DLGAP2: variants seen among roughly 807,000 people sequenced by gnomAD.
DLGAP2 encodes the protein disks large-associated protein 2.
A neutral mutation model predicts 100.3 loss-of-function variants in DLGAP2; 26 were observed. The ratio of observed to expected loss-of-function variants is 0.26; its 90% CI spans 0.19 to 0.36. DLGAP2 has a LOEUF of 0.36. Among genes scored for constraint, DLGAP2 ranks in the 10% least tolerant of loss-of-function variants. The pLI is 1.00. For missense variants in DLGAP2, 1,858 were observed against 1,453.2 expected, an observed-to-expected ratio of 1.28 and a Z score of -4.53; for synonymous variants, 886 against 630.1, an observed-to-expected ratio of 1.41 and a Z score of -6.08.
chr8:1,146,271 T>C (rs1420036727), intron 2 of DLGAP2, among the ~76,000 whole-genome samples: 1 of 152,224 alleles, frequency 6.6e-6, no homozygotes. Flanking sequence ...CCATCTGATA[T>C]CGCGTAGCCT....
At chr8:994,750 C>A (rs1462927274) in intron 2 of DLGAP2, among the ~76,000 whole-genome samples, 3 of 152,174 alleles carry the variant, frequency 2.0e-5, no homozygotes, top group African/African-American at 7.2e-5. Flanking sequence ...TGAATAGTTA[C>A]AGGTCAGACC....
chr8:1,580,881 A>T (rs898048561), intron 6 of DLGAP2, among the ~76,000 whole-genome samples: 2 of 152,216 alleles, frequency 1.3e-5, no homozygotes, highest in African/African-American at 4.8e-5. Flanking sequence ...GAAGTGAAGG[A>T]TACAGACAAA....
At chr8:1,521,172 A>ATC (rs202109087) in intron 4 of DLGAP2, among the ~76,000 whole-genome samples, 2 of 117,370 alleles carry the variant, frequency 1.7e-5, no homozygotes, top group East Asian at 2.4e-4. Flanking sequence ...GATATGGGGC[A>ATC]TCTGGTTTGC....
chr8:933,436 T>C (rs1340642364), intron 2 of DLGAP2, among the ~76,000 whole-genome samples: 16 of 130,040 alleles, frequency 1.2e-4, no homozygotes, highest in South Asian at 5.3e-4. Context: ...GACATCTGGC[T>C]GTGGGCACGA....
chr8:1,347,475 C>A (rs1801591866), intron 3 of DLGAP2, among the ~76,000 whole-genome samples: 1 of 152,066 alleles, frequency 6.6e-6, no homozygotes, highest in East Asian at 1.9e-4. Context: ...AGCTGCATTG[C>A]TCTCATGGGG....
At chr8:1,443,798 C>G (rs940021797) in intron 3 of DLGAP2, among the ~76,000 whole-genome samples, 1 of 152,068 alleles carries the variant, frequency 6.6e-6, no homozygotes, top group East Asian at 1.9e-4. Flanking sequence ...ACCCTTGACA[C>G]GTGGGGATTA....
chr8:1,219,381 G>C (rs984917064), intron 2 of DLGAP2, among the ~76,000 whole-genome samples: 2 of 152,110 alleles, frequency 1.3e-5, no homozygotes, highest in Non-Finnish European at 2.9e-5. Flanking sequence ...TGATCATGTA[G>C]TTTTTATTTT....
chr8:860,322 G>T (rs756657371), intron 1 of DLGAP2, among the ~76,000 whole-genome samples: 3 of 152,214 alleles, frequency 2.0e-5, no homozygotes, highest in Non-Finnish European at 4.4e-5. Flanking sequence ...GGCTGCCGCT[G>T]CCAGCTCTGC....
intron 4 of DLGAP2, among the ~76,000 whole-genome samples, chr8:1,523,838 C>T (rs1800698718): frequency 1.3e-5 from 2 of 152,158 alleles, no homozygotes; most frequent in Admixed American, 1.3e-4. Flanking sequence ...TAAAAGAAAT[C>T]CAGTGAATAA....
At chr8:1,590,845 AC>A (rs773416849) in intron 6 of DLGAP2, among the ~76,000 whole-genome samples, 155 of 151,908 alleles carry the variant, frequency 1.0e-3, no homozygotes, top group Non-Finnish European at 1.1e-3. Flanking sequence ...CCTGAGCCCC[AC>A]CCCTGGCAGA....
chr8:1,096,706 C>A (rs1321273969), intron 2 of DLGAP2, among the ~76,000 whole-genome samples: 1 of 143,214 alleles, frequency 7.0e-6, no homozygotes, highest in South Asian at 2.2e-4. Context: ...GAGAGGTCCC[C>A]TCCAGCGTGA....
In DLGAP2 at chr8:1,071,962, A is replaced by G. The variant is rs7819037; in HGVS notation, c.73+163996A>G. On this transcript the variant is annotated intron_variant, in intron 2 of 14. Coordinates refer to ENST00000637795, the MANE Select transcript of DLGAP2 (RefSeq NM_001346810.2). Reference sequence around the variant, plus strand: ...GTGGTTTGGGTGCCGTGCTGGCTGTACGTGGTTTCTCGTCAGTGTGCTGGA... The same window carrying G: ...GTGGTTTGGGTGCCGTGCTGGCTGTGCGTGGTTTCTCGTCAGTGTGCTGGA... Among the ~76,000 whole-genome samples, 949 of 152,248 alleles carry G rather than the reference A, an allele frequency of 6.2e-3. 17 individuals are homozygous for G. Among genetic ancestry groups the G allele is most frequent in the African/African-American group, 0.021 (862 of 41,536 alleles).
At chr8:1,459,326 C>G (rs1270642013) in intron 3 of DLGAP2, among the ~76,000 whole-genome samples, 4 of 152,106 alleles carry the variant, frequency 2.6e-5, no homozygotes, top group Admixed American at 2.6e-4. Flanking sequence ...GGAGTGACAG[C>G]CAGCTGGTTT....
At chr8:865,716 G>C (rs946594679) in intron 1 of DLGAP2, among the ~76,000 whole-genome samples, 5 of 152,178 alleles carry the variant, frequency 3.3e-5, no homozygotes, top group African/African-American at 1.2e-4. Context: ...CTTTTTATAA[G>C]GCCGCTGTGA....
intron 2 of DLGAP2, among the ~76,000 whole-genome samples, chr8:1,192,744 CAT>C (rs1163519367): frequency 4.6e-5 from 7 of 150,860 alleles, no homozygotes; most frequent in East Asian, 3.9e-4. Context: ...CATATGGAAA[CAT>C]GTGCCATGTT....
At chr8:1,019,297 G>T (rs760236007) in intron 2 of DLGAP2, 1 of 152,084 alleles carries the variant, frequency 6.6e-6, no homozygotes, top group Non-Finnish European at 1.5e-5. Context: ...GCCTCTCTCT[G>T]TGGTGGTTTT....
Position 1,311,940 on chromosome 8 carries a change from C to T in DLGAP2, c.106+53057C>T, listed in dbSNP as rs541704270. Among the ~76,000 whole-genome samples the T allele has an allele frequency of 5.3e-5, 8 of 152,294 alleles. No individual in the cohort carries two copies. In the South Asian group the frequency reaches 8.3e-4, roughly 16 times the overall value. On this transcript the variant is annotated intron_variant, in intron 3 of 14. Coordinates refer to ENST00000637795, the MANE Select transcript of DLGAP2 (RefSeq NM_001346810.2). ...AACTGCCAGGAGGAATAGATGAGTC[C>T]ACCATTAATGCTGGAGATTTTGAGT...
chr8:1,191,194 C>T (rs1276775217), intron 2 of DLGAP2, among the ~76,000 whole-genome samples: 17 of 135,954 alleles, frequency 1.3e-4, no homozygotes, highest in African/African-American at 1.9e-4. Context: ...TTTTTTGAGA[C>T]GGAATCTCAC....
intron 1 of DLGAP2, among the ~76,000 whole-genome samples, chr8:776,577 A>G (rs954431457): frequency 2.0e-5 from 3 of 152,242 alleles, no homozygotes; most frequent in African/African-American, 7.2e-5. Context: ...TTCAAAGAAC[A>G]TCTTTATTTC....
Sources: allele counts gnomAD v4.1 joint callset (sites outside exome capture counted in the v4.1 genomes callset), GRCh38; gene constraint gnomAD v4.1.1; transcripts MANE v1.5; gene names NCBI Gene and HGNC (gene_info 2026-07-23, HGNC 2026-07-21).